The following HIRA variants were observed in gnomAD, a reference collection of about 807,000 sequenced individuals.
The protein encoded by HIRA is protein HIRA.
A neutral mutation model predicts 126.6 loss-of-function variants in HIRA; 13 were observed. The observed-to-expected ratio is 0.10, with a 90% confidence interval of 0.07 to 0.16. The LOEUF is 0.16. Among genes scored for constraint, HIRA ranks in the 10% least tolerant of loss-of-function variants. HIRA has a pLI of 1.00. For missense variants in HIRA, 834 were observed against 1,314.4 expected (o/e 0.63, Z 5.65); for synonymous variants, 511 against 520.0 (o/e 0.98, Z 0.24).
intron 15 of HIRA, among the ~76,000 whole-genome samples, chr22:19,372,245 AT>A (rs2088973173): frequency 6.6e-6 from 1 of 152,188 alleles, no homozygotes; most frequent in South Asian, 2.1e-4. Context: ...ACCAACACTT[AT>A]TATCTGACTA....
At chr22:19,343,336 G>C (rs1016211547) in intron 24 of HIRA, among the ~76,000 whole-genome samples, 1 of 152,100 alleles carries the variant, frequency 6.6e-6, no homozygotes, top group African/African-American at 2.4e-5. Flanking sequence ...TGGATTGCTT[G>C]AGCTCAGGAG....
At chr22:19,421,522 T>A (rs1196926984) in intron 1 of HIRA, among the ~76,000 whole-genome samples, 1 of 152,206 alleles carries the variant, frequency 6.6e-6, no homozygotes, top group African/African-American at 2.4e-5. Context: ...TTCCAAATGG[T>A]TTGAAAGACC....
At chr22:19,384,047 G>A (rs371466688) in intron 12 of HIRA, among the ~76,000 whole-genome samples, 9 of 152,058 alleles carry the variant, frequency 5.9e-5, no homozygotes, top group African/African-American at 1.9e-4. Context: ...GGCCAGGCAC[G>A]GTGGCTCACG....
intron 15 of HIRA, among the ~76,000 whole-genome samples, chr22:19,364,929 A>G (rs1429799466): frequency 6.6e-6 from 1 of 152,256 alleles, no homozygotes; most frequent in Non-Finnish European, 1.5e-5. Flanking sequence ...GGAAGTTAAA[A>G]GTGCTACTCC....
At chr22:19,339,511 C>T (rs1556007049) in intron 24 of HIRA, among the ~76,000 whole-genome samples, 1 of 152,054 alleles carries the variant, frequency 6.6e-6, no homozygotes, top group Non-Finnish European at 1.5e-5. Flanking sequence ...GTGACGCATG[C>T]CTGTAGTCCC....
chr22:19,418,147 G>C (rs1454965487), intron 1 of HIRA, among the ~76,000 whole-genome samples: 1 of 152,162 alleles, frequency 6.6e-6, no homozygotes, highest in Non-Finnish European at 1.5e-5. Context: ...AAATGTTCCG[G>C]AGACTGGCTG....
chr22:19,414,785 G>A lies in HIRA; in HGVS notation c.38-4007C>T, dbSNP rs9618559. ...GCCGGTAATCCCAGCACTTTGGGAAGCCAAGGCAGGTAGATCACTTGAGGT... is the reference window on the plus strand; with the variant it reads ...GCCGGTAATCCCAGCACTTTGGGAAACCAAGGCAGGTAGATCACTTGAGGT... On this transcript the variant is annotated intron_variant, in intron 1 of 24. Coordinates refer to ENST00000263208, the MANE Select transcript of HIRA (RefSeq NM_003325.4). 3.0e-3 allele frequency among the ~76,000 whole-genome samples: 463 copies of A among 152,316 alleles called. 1 individual carries two copies. Among genetic ancestry groups the A allele is most frequent in the African/African-American group, 9.8e-3 (407 of 41,574 alleles).
intron 1 of HIRA, among the ~76,000 whole-genome samples, chr22:19,419,315 CACG>C (rs1222569207): frequency 5.9e-5 from 9 of 152,180 alleles, no homozygotes; most frequent in Non-Finnish European, 1.3e-4. Context: ...ACCCCGCCCC[CACG>C]ACTTTTCTGA....
chr22:19,431,626 G>T lies in HIRA; in HGVS notation c.-150C>A. 2.7e-6 allele frequency: 2 copies of T among 747,900 alleles called. No individual in the cohort carries two copies. Among genetic ancestry groups the T allele is most frequent in the Non-Finnish European group, 3.3e-6 (2 of 606,770 alleles). 46.3% of individuals were successfully genotyped at this position (747,900 alleles called of 1,614,324 possible). A position where few individuals can be genotyped will look rare whatever the true frequency, so the allele number is the denominator to read the frequency against. ...CCTCAGGGCCGCCGCGCCATCGCCGGCCCGCGCCCCCCTCCGCCGCCACAG... is the reference window on the plus strand; with the variant it reads ...CCTCAGGGCCGCCGCGCCATCGCCGTCCCGCGCCCCCCTCCGCCGCCACAG... On this transcript the variant is annotated 5_prime_UTR_variant, in exon 1 of 25. Coordinates refer to ENST00000263208, the MANE Select transcript of HIRA (RefSeq NM_003325.4).
At chr22:19,407,785 A>T (rs2089320094) in intron 3 of HIRA, among the ~76,000 whole-genome samples, 1 of 152,178 alleles carries the variant, frequency 6.6e-6, no homozygotes, top group Non-Finnish European at 1.5e-5. Context: ...AGCACTGCAG[A>T]TTGACTGACT....
intron 24 of HIRA, among the ~76,000 whole-genome samples, chr22:19,340,807 A>G (rs2088619351): frequency 6.6e-6 from 1 of 152,236 alleles, no homozygotes; most frequent in South Asian, 2.1e-4. Flanking sequence ...AATATACCTA[A>G]CCAAGGATGT....
intron 1 of HIRA, among the ~76,000 whole-genome samples, chr22:19,426,813 C>A (rs1601865865): frequency 6.6e-6 from 1 of 152,196 alleles, no homozygotes; most frequent in East Asian, 1.9e-4. Flanking sequence ...TGTCTTCAGG[C>A]ATAAGTCAGG....
intron 15 of HIRA, among the ~76,000 whole-genome samples, chr22:19,362,790 A>T (rs943497508): frequency 6.6e-6 from 1 of 151,320 alleles, no homozygotes. Flanking sequence ...TGAACTCCTG[A>T]CCTCAGGTGA....
chr22:19,416,299 G>A (rs1239583125), intron 1 of HIRA, among the ~76,000 whole-genome samples: 1 of 152,102 alleles, frequency 6.6e-6, no homozygotes, highest in Non-Finnish European at 1.5e-5. Flanking sequence ...GGATTTGGCA[G>A]TAATTTCTTT....
At position 19,331,350 on chromosome 22, in the gene HIRA, C is replaced by T. The variant is rs2088483288; in HGVS notation, c.*90G>A. 1 of 1,602,672 alleles carries T rather than the reference C, an allele frequency of 6.2e-7. No individual in the cohort carries two copies. Among genetic ancestry groups the T allele is most frequent in the South Asian group, 1.1e-5 (1 of 90,616 alleles). On this transcript the variant is annotated 3_prime_UTR_variant, in exon 25 of 25. Transcript: ENST00000263208. ...CTCCTGCCAGTGTCTCCTCCCCCTA[C>T]AGCCTGGTCAGGTGAGAGGCGGTCC...
At chr22:19,420,758 G>C (rs976970991) in intron 1 of HIRA, among the ~76,000 whole-genome samples, 2 of 152,066 alleles carry the variant, frequency 1.3e-5, no homozygotes, top group Admixed American at 1.3e-4. Flanking sequence ...ATATTATTCA[G>C]GTGATGGTTG....
intron 24 of HIRA, among the ~76,000 whole-genome samples, chr22:19,335,395 C>T (rs1478112912): frequency 6.6e-6 from 1 of 152,070 alleles, no homozygotes; most frequent in Non-Finnish European, 1.5e-5. Context: ...CAGGCATGTG[C>T]CACCACACCC....
At chr22:19,331,620 T>G in intron 24 of HIRA, 64 bp from the exon 25 acceptor site, 1 of 1,462,394 alleles carries the variant, frequency 6.8e-7, no homozygotes, top group Non-Finnish European at 9.3e-7. Context: ...GTGGGGACTT[T>G]CCTGGCCTGG....
rs2088811804 is a variant in HIRA, at chr22:19,356,342, G to C, written c.2397-54C>G. ...CACCAACCCAGGTAAACACATCAGA[G>C]TGTGCCTTGGCTGCTCAGACACCCT... On this transcript the variant is annotated intron_variant, in intron 19 of 24. Coordinates refer to ENST00000263208, the MANE Select transcript of HIRA (RefSeq NM_003325.4). The C allele has an allele frequency of 3.9e-6, 6 of 1,523,354 alleles. No homozygotes were observed. In the African/African-American group the frequency reaches 4.1e-5, roughly 10 times the overall value. 94.4% of individuals were successfully genotyped at this position (1,523,354 alleles called of 1,614,324 possible). A position where few individuals can be genotyped will look rare whatever the true frequency, so the allele number is the denominator to read the frequency against.
Sources: gnomAD v4.1 joint callset for allele counts (sites outside exome capture counted in the v4.1 genomes callset) on GRCh38, gnomAD v4.1.1 for gene constraint, MANE v1.5 for transcripts, NCBI Gene and HGNC (gene_info 2026-07-23, HGNC 2026-07-21) for gene names.